PKIB: variants seen among roughly 807,000 people sequenced by gnomAD.
PKIB encodes PKI-beta.
Under a neutral mutation model 4.5 loss-of-function variants are expected in PKIB, and 2 were observed. That is an observed-to-expected ratio of 0.44 (90% confidence interval 0.18 to 1.39). The LOEUF (loss-of-function observed/expected upper bound fraction) is 1.39, where lower values mean the gene tolerates loss of function less well. PKIB is among the 40% of genes most tolerant of loss of function. PKIB has a pLI of 0.27. For missense variants in PKIB, 94 were observed against 92.6 expected (o/e 1.02, Z -0.06); for synonymous variants, 38 against 36.0 (o/e 1.06, Z -0.20).
At chr6:122,590,837 G>A (rs1773996906) in intron 3 of PKIB, among the ~76,000 whole-genome samples, 2 of 152,116 alleles carry the variant, frequency 1.3e-5, no homozygotes, top group African/African-American at 4.8e-5. Flanking sequence ...TTAGCGTGTG[G>A]TCCACAGGGC....
At chr6:122,713,261 A>G (rs1779343822) in intron 3 of PKIB, among the ~76,000 whole-genome samples, 1 of 152,166 alleles carries the variant, frequency 6.6e-6, no homozygotes, top group African/African-American at 2.4e-5. Flanking sequence ...CAGCTCCTGT[A>G]AGCAGCCACA....
At chr6:122,574,695 C>T (rs1773475463) in intron 2 of PKIB, among the ~76,000 whole-genome samples, 1 of 151,958 alleles carries the variant, frequency 6.6e-6, no homozygotes, top group Admixed American at 6.6e-5. Flanking sequence ...TAGCAAGCCA[C>T]ATGTGGAAGA....
chr6:122,526,851 G>C (rs1777104684), intron 2 of PKIB, among the ~76,000 whole-genome samples: 1 of 152,104 alleles, frequency 6.6e-6, no homozygotes, highest in Non-Finnish European at 1.5e-5. Context: ...CATCCTCATT[G>C]TAAGAGTCAG....
intron 2 of PKIB, among the ~76,000 whole-genome samples, chr6:122,546,848 AGAAAGGATGTTTTCCTTAAAGACCTTT>A (rs988943245): frequency 2.0e-5 from 3 of 152,158 alleles, no homozygotes; most frequent in African/African-American, 4.8e-5. Context: ...TAAGAGTAAG[AGAAAGGATGTTTTCCTTAAAGACCTTT>A]ATCACAGTAG....
intron 2 of PKIB, among the ~76,000 whole-genome samples, chr6:122,549,851 CAT>C (rs891391041): frequency 2.7e-5 from 4 of 147,366 alleles, no homozygotes; most frequent in African/African-American, 9.9e-5. Flanking sequence ...TATATATACA[CAT>C]ATATGTATAT....
chr6:122,495,700 C>A (rs2114546884), intron 2 of PKIB, among the ~76,000 whole-genome samples: 1 of 152,314 alleles, frequency 6.6e-6, no homozygotes, highest in East Asian at 1.9e-4. Flanking sequence ...ACACAACTCA[C>A]TTGCATGAGT....
At chr6:122,499,839 G>T (rs1247263269) in intron 2 of PKIB, among the ~76,000 whole-genome samples, 1 of 152,084 alleles carries the variant, frequency 6.6e-6, no homozygotes, top group Non-Finnish European at 1.5e-5. Context: ...AAGCCTCCTA[G>T]AACTGAAAAG....
At chr6:122,549,552 AT>A (rs1357141533) in intron 2 of PKIB, among the ~76,000 whole-genome samples, 2 of 152,126 alleles carry the variant, frequency 1.3e-5, no homozygotes, top group African/African-American at 4.8e-5. Flanking sequence ...GAAGCTGGGT[AT>A]TCAGTCAATT....
At chr6:122,649,174 A>AT (rs1357392894) in intron 2 of PKIB, among the ~76,000 whole-genome samples, 10 of 152,158 alleles carry the variant, frequency 6.6e-5, no homozygotes, top group African/African-American at 2.4e-4. Flanking sequence ...CTTGTCACCA[A>AT]TTTTTCAGTC....
At chr6:122,491,315 A>G (rs1332598963) in intron 2 of PKIB, among the ~76,000 whole-genome samples, 1 of 152,172 alleles carries the variant, frequency 6.6e-6, no homozygotes, top group African/African-American at 2.4e-5. Context: ...TGCTTCTGGA[A>G]GGTCATATAC....
intron 3 of PKIB, among the ~76,000 whole-genome samples, chr6:122,704,030 G>A (rs1304516116): frequency 1.3e-5 from 2 of 151,428 alleles, no homozygotes; most frequent in African/African-American, 4.9e-5. Context: ...GCAAGCTAGA[G>A]ACTCAGGAGA....
chr6:122,702,940 G>A (rs1466610844), intron 3 of PKIB, among the ~76,000 whole-genome samples: 2 of 152,048 alleles, frequency 1.3e-5, no homozygotes, highest in South Asian at 2.1e-4. Context: ...ATGATGTCGT[G>A]TACTTTCTCC....
At chr6:122,487,832 C>G (rs1207529294) in intron 2 of PKIB, among the ~76,000 whole-genome samples, 4 of 152,122 alleles carry the variant, frequency 2.6e-5, no homozygotes, top group Non-Finnish European at 5.9e-5. Flanking sequence ...ACAGCTTAGG[C>G]ATTCAGGACA....
intron 3 of PKIB, among the ~76,000 whole-genome samples, chr6:122,593,362 A>G (rs899041370): frequency 1.1e-4 from 17 of 152,234 alleles, no homozygotes; most frequent in Non-Finnish European, 1.8e-4. Context: ...TTATAGATAA[A>G]TATTGTAGAA....
intron 1 of PKIB, among the ~76,000 whole-genome samples, chr6:122,611,678 C>T (rs570877713): frequency 6.6e-6 from 1 of 152,168 alleles, no homozygotes; most frequent in South Asian, 2.1e-4. Context: ...TTCTTACTGA[C>T]ATTGCCACAC....
intron 3 of PKIB, among the ~76,000 whole-genome samples, chr6:122,693,440 TAC>T (rs1255737449): frequency 6.6e-6 from 1 of 152,258 alleles, no homozygotes; most frequent in Non-Finnish European, 1.5e-5. Flanking sequence ...AATTTTCTCA[TAC>T]TAAAATTCTT....
At chr6:122,514,888 G>A (rs957426974) in intron 2 of PKIB, among the ~76,000 whole-genome samples, 3 of 152,184 alleles carry the variant, frequency 2.0e-5, no homozygotes, top group African/African-American at 7.2e-5. Context: ...TCACTGGAGT[G>A]GGGTAACCCA....
At position 122,487,546 on chromosome 6, in the gene PKIB, G is replaced by A. The variant is rs540951831; in HGVS notation, c.-248+9607G>A. Among the ~76,000 whole-genome samples, 14 of 152,260 alleles carry A rather than the reference G, an allele frequency of 9.2e-5. 2 individuals are homozygous for A. In the East Asian group the frequency reaches 2.5e-3, roughly 27 times the overall value. The stretch of plus-strand genomic sequence containing the variant: ...ATGCTCTTATAAAAGAGACTCCAGA[G>A]AGCTAACTAGCGCTTCTACCATGTG... On this transcript the variant is annotated intron_variant, in intron 2 of 6. Coordinates refer to the PKIB transcript ENST00000392491.
At chr6:122,718,952 A>G (rs568159049) in intron 4 of PKIB, among the ~76,000 whole-genome samples, 2 of 152,314 alleles carry the variant, frequency 1.3e-5, no homozygotes, top group East Asian at 3.9e-4. Flanking sequence ...TGAGAGTAAA[A>G]AAGCATACAC....
Sources: gnomAD v4.1 joint callset for allele counts (sites outside exome capture counted in the v4.1 genomes callset) on GRCh38, gnomAD v4.1.1 for gene constraint, MANE v1.5 for transcripts, NCBI Gene and HGNC (gene_info 2026-07-23, HGNC 2026-07-21) for gene names.